ITFG2: variants seen among roughly 807,000 people sequenced by gnomAD.
The protein encoded by ITFG2 is integrin alpha FG-GAP repeat containing 2, also known as KICSTOR complex protein ITFG2.
A neutral mutation model predicts 54.4 loss-of-function variants in ITFG2; 36 were observed. The ratio of observed to expected loss-of-function variants is 0.66; its 90% CI spans 0.51 to 0.87. ITFG2 has a LOEUF of 0.87. ITFG2 is among the 40% of genes least tolerant of loss of function. The pLI is 0.00. For synonymous variants in ITFG2, 211 were observed against 225.4 expected, an observed-to-expected ratio of 0.94 and a Z score of 0.57; for missense variants, 524 against 576.7, an observed-to-expected ratio of 0.91 and a Z score of 0.94.
At chr12:2,844,461 G>A (rs2098048783) in intron 2 of ITFG2, among the ~76,000 whole-genome samples, 1 of 152,100 alleles carries the variant, frequency 6.6e-6, no homozygotes, top group Non-Finnish European at 1.5e-5. Context: ...AGCTGAGACA[G>A]GAGAATCACC....
chr12:2,818,065 C>T (rs2097927846), intron 3 of ITFG2, 41 bp from the exon 4 acceptor site: 2 of 1,608,946 alleles, frequency 1.2e-6, no homozygotes, highest in Non-Finnish European at 1.7e-6. Context: ...TTCCAAAACT[C>T]CCTCCCCAGT....
At chr12:2,851,433 C>T (rs1160770997) in intron 2 of ITFG2, among the ~76,000 whole-genome samples, 1 of 152,160 alleles carries the variant, frequency 6.6e-6, no homozygotes, top group Non-Finnish European at 1.5e-5. Flanking sequence ...ACCTCCACCT[C>T]CTGCATTCAA....
At chr12:2,843,497 A>G (rs979455251) in intron 2 of ITFG2, among the ~76,000 whole-genome samples, 1 of 152,218 alleles carries the variant, frequency 6.6e-6, no homozygotes, top group East Asian at 1.9e-4. Flanking sequence ...GGCATGGTGA[A>G]CTCAGAGGGG....
chr12:2,837,424 G>A (rs1448713792), intron 1 of ITFG2, among the ~76,000 whole-genome samples: 1 of 152,040 alleles, frequency 6.6e-6, no homozygotes, highest in Non-Finnish European at 1.5e-5. Flanking sequence ...CTTGCAGTGA[G>A]CCGAGATCAC....
upstream of ITFG2, among the ~76,000 whole-genome samples, chr12:2,833,600 T>C (rs2098013803): frequency 6.6e-6 from 1 of 151,996 alleles, no homozygotes; most frequent in African/African-American, 2.4e-5. Context: ...CCTGGTTGAG[T>C]ACCTCTTCTC....
At chr12:2,833,531 G>A (rs753033123), upstream of ITFG2, among the ~76,000 whole-genome samples, 1 of 152,056 alleles carries the variant, frequency 6.6e-6, no homozygotes, top group Non-Finnish European at 1.5e-5. Flanking sequence ...CAGGTTCCCG[G>A]GGAGAAGCAG....
intron 1 of ITFG2, 70 bp downstream of exon 1, chr12:2,812,926 C>A: frequency 7.4e-7 from 1 of 1,349,338 alleles, no homozygotes; most frequent in Non-Finnish European, 1.0e-6. Context: ...GTGGAAGAGG[C>A]CGCCCGAGCG....
intron 3 of ITFG2, chr12:2,858,961 T>G: frequency 1.2e-6 from 2 of 1,613,558 alleles, no homozygotes; most frequent in Non-Finnish European, 1.7e-6. Flanking sequence ...CTGAGATCCA[T>G]CAGCCCCAGG....
intron 1 of ITFG2, 68 bp from the exon 2 acceptor site, chr12:2,817,155 A>G: frequency 2.0e-6 from 2 of 1,002,340 alleles, no homozygotes; most frequent in Admixed American, 3.9e-5. Context: ...GGCTAGGCTA[A>G]GTAGAGAAGA....
chr12:2,846,915 A>C (rs1186902566), intron 2 of ITFG2, among the ~76,000 whole-genome samples: 2 of 152,150 alleles, frequency 1.3e-5, no homozygotes, highest in Admixed American at 1.3e-4. Context: ...CACATAACAC[A>C]AAATTTACCA....
downstream of ITFG2, among the ~76,000 whole-genome samples, chr12:2,829,767 T>C (rs545275998): frequency 3.3e-4 from 46 of 138,556 alleles, no homozygotes; most frequent in South Asian, 5.0e-3. Context: ...AATCTGTCTC[T>C]AAAAAATAAA....
At chr12:2,834,706 T>C (rs1481667875), upstream of ITFG2, 1 of 1,613,990 alleles carries the variant, frequency 6.2e-7, no homozygotes, top group Non-Finnish European at 8.5e-7. Context: ...CGAGTCCTTG[T>C]GCAGGAACTG....
chr12:2,837,339 G>A (rs1210872052), intron 1 of ITFG2, among the ~76,000 whole-genome samples: 1 of 152,172 alleles, frequency 6.6e-6, no homozygotes, highest in South Asian at 2.1e-4. Context: ...TTAGCCGGGC[G>A]CGGTGGCAGG....
chr12:2,831,011 G>C, downstream of ITFG2: 1 of 657,094 alleles, frequency 1.5e-6, no homozygotes, highest in South Asian at 2.1e-5. Context: ...CCCAGATAAT[G>C]AGAGCAGAGT....
At chr12:2,812,901 G>A (rs745871019) in intron 1 of ITFG2, 45 bp downstream of exon 1, 10 of 1,531,466 alleles carry the variant, frequency 6.5e-6, no homozygotes, top group Non-Finnish European at 9.0e-6. Context: ...TCTGTGCAGG[G>A]ACGGGGCAAG....
chr12:2,856,814 T>C lies in ITFG2; in HGVS notation n.301-1198T>C, dbSNP rs1023199857. The stretch of plus-strand genomic sequence containing the variant: ...TCTGAGCTCTGGGTTCCTAGTGTCA[T>C]AGGATGAAAAGGGGAAGACAGCAGA... On this transcript the variant is annotated intron_variant and non_coding_transcript_variant, in intron 2 of 3. Coordinates refer to the ITFG2 transcript ENST00000537710. 12 of 634,600 alleles carry C rather than the reference T, an allele frequency of 1.9e-5. No homozygotes were observed. The Admixed American group carries it at 2.7e-4, about 14-fold the overall frequency. The allele number at this position is 634,600 out of a possible 1,614,324, so 39.3% of individuals were successfully genotyped here.
intron 2 of ITFG2, among the ~76,000 whole-genome samples, chr12:2,844,419 C>T (rs11062380): frequency 0.23 from 34,674 of 151,778 alleles, 5,221 homozygotes; most frequent in African/African-American, 0.43. Context: ...CTGAGCATAG[C>T]GGTGTGCGCT....
upstream of ITFG2, among the ~76,000 whole-genome samples, chr12:2,834,485 G>C (rs2098018406): frequency 6.6e-6 from 1 of 152,204 alleles, no homozygotes; most frequent in African/African-American, 2.4e-5. Context: ...CCCCGGTGAA[G>C]AGCCTTGAGT....
At position 2,822,868 on chromosome 12, in the gene ITFG2, C is replaced by T. The variant is rs1047315187; in HGVS notation, c.1023C>T (p.Val341=). 27 of 1,614,050 alleles carry T rather than the reference C, an allele frequency of 1.7e-5. No homozygotes were observed. The highest frequency in any genetic ancestry group is 2.1e-5 in the Non-Finnish European group (25 of 1,180,030). The part of the protein sequence containing the change: ...QTYIIDHNRT[V]VRFQVDENIR... ...ATATCATTGATCACAACCGCACCGT[C>T]GTCCGCTTCCAAGTGGATGAAAATA... Residue 341 remains valine (V), a synonymous_variant, in exon 10 of 12, where the codon GTC becomes GTT. Coordinates refer to ENST00000228799, the MANE Select transcript of ITFG2 (RefSeq NM_018463.4).
Sources: gnomAD v4.1 joint callset for allele counts (sites outside exome capture counted in the v4.1 genomes callset) on GRCh38, gnomAD v4.1.1 for gene constraint, MANE v1.5 for transcripts, NCBI Gene and HGNC (gene_info 2026-07-23, HGNC 2026-07-21) for gene names.